BANK1: variants seen among roughly 807,000 people sequenced by gnomAD.
BANK1 encodes B cell scaffold protein with ankyrin repeats 1.
Under a neutral mutation model 94.5 loss-of-function variants are expected in BANK1, and 95 were observed. That is an observed-to-expected ratio of 1.00 (90% CI 0.85 to 1.19). The LOEUF is 1.19. Ranked by LOEUF, BANK1 falls within the 50% of genes most tolerant of loss-of-function variation. BANK1 has a pLI of 0.00. For missense variants in BANK1, 987 were observed against 932.2 expected (o/e 1.06, Z -0.77); for synonymous variants, 334 against 308.4 (o/e 1.08, Z -0.87).
rs111313971 is a variant in BANK1 at position 102,074,321 on chromosome 4, G to A, written c.*322G>A. On this transcript the variant is annotated 3_prime_UTR_variant, in exon 17 of 17. Coordinates refer to ENST00000322953, the MANE Select transcript of BANK1 (RefSeq NM_017935.5). ...AAAACAGCACAGAGAAGTTAAATGC[G>A]GTGTAGCAAAGTTATGGGGTCTGCT... 3 of 152,144 alleles carry A rather than the reference G, an allele frequency of 2.0e-5. No homozygotes were observed. Among genetic ancestry groups the A allele is most frequent in the Non-Finnish European group, 4.4e-5 (3 of 67,944 alleles). 9.4% of individuals were successfully genotyped at this position (152,144 alleles called of 1,614,324 possible). A position where few individuals can be genotyped will look rare whatever the true frequency, so the allele number is the denominator to read the frequency against.
chr4:101,997,947 G>A (rs1725935977), intron 7 of BANK1, among the ~76,000 whole-genome samples: 1 of 151,946 alleles, frequency 6.6e-6, no homozygotes, highest in Non-Finnish European at 1.5e-5. Context: ...GTTATTTCTT[G>A]TCTTCTGCTA....
chr4:101,861,905 G>T (rs951098732), intron 3 of BANK1, among the ~76,000 whole-genome samples: 1 of 150,908 alleles, frequency 6.6e-6, no homozygotes, highest in African/African-American at 2.4e-5. Context: ...TTATACATTT[G>T]GCCTCTCCAT....
At chr4:101,807,259 G>C (rs572396398) in intron 1 of BANK1, among the ~76,000 whole-genome samples, 1 of 152,190 alleles carries the variant, frequency 6.6e-6, no homozygotes, top group East Asian at 1.9e-4. Flanking sequence ...TTAAATGTCA[G>C]ATATTTTAAA....
At chr4:102,030,730 G>A (rs1370846092) in intron 10 of BANK1, among the ~76,000 whole-genome samples, 1 of 152,044 alleles carries the variant, frequency 6.6e-6, no homozygotes, top group African/African-American at 2.4e-5. Context: ...GAGAATGATG[G>A]TTTCCAGCAT....
chr4:101,821,011 T>C (rs552622050), intron 1 of BANK1, among the ~76,000 whole-genome samples: 1 of 152,284 alleles, frequency 6.6e-6, no homozygotes, highest in African/African-American at 2.4e-5. Context: ...CTTTAGGTCT[T>C]TGAGGAATTG....
At chr4:101,894,123 C>T (rs193056074) in intron 5 of BANK1, among the ~76,000 whole-genome samples, 87 of 152,140 alleles carry the variant, frequency 5.7e-4, no homozygotes, top group African/African-American at 2.0e-3. Context: ...CCACCCTACA[C>T]CTAACTCACA....
intron 1 of BANK1, among the ~76,000 whole-genome samples, chr4:101,799,241 T>C (rs1725266095): frequency 6.6e-6 from 1 of 152,228 alleles, no homozygotes; most frequent in African/African-American, 2.4e-5. Context: ...TTTCTTGTTT[T>C]TGTCAGGTTT....
intron 10 of BANK1, among the ~76,000 whole-genome samples, chr4:102,030,674 G>A (rs964938007): frequency 4.0e-5 from 6 of 148,562 alleles, no homozygotes; most frequent in African/African-American, 1.2e-4. Context: ...CCACTTATGA[G>A]TGAGAACATG....
At chr4:101,881,340 A>T (rs1728669219) in intron 5 of BANK1, among the ~76,000 whole-genome samples, 1 of 152,198 alleles carries the variant, frequency 6.6e-6, no homozygotes, top group Non-Finnish European at 1.5e-5. Flanking sequence ...GCTTAACATC[A>T]TTAATCATTA....
intron 7 of BANK1, among the ~76,000 whole-genome samples, chr4:101,918,539 A>G (rs958424940): frequency 8.5e-5 from 13 of 152,132 alleles, no homozygotes; most frequent in Middle Eastern, 3.4e-3. Context: ...TAACCAAAGA[A>G]GATTTTAAGA....
At position 101,862,578 on chromosome 4, in the gene BANK1, T is replaced by A; in HGVS notation, c.677T>A (p.Val226Glu). 5 of 1,610,998 alleles carry A rather than the reference T, an allele frequency of 3.1e-6. No individual in the cohort carries two copies. The highest frequency in any genetic ancestry group is 4.2e-6 in the Non-Finnish European group (5 of 1,178,088). Residue 226 changes from valine to glutamate, a missense_variant, in exon 4 of 17, where the codon GTA (valine) becomes GAA (glutamate). By Grantham distance (121) the Val-to-Glu change is moderately radical (BLOSUM62 -2). Transcript: ENST00000322953. Reference sequence around the variant, plus strand: ...AGAGATGAAGTAATTGGTGATACTGTAGAGGTTGAATTTACATCAAGTAAT... The same window carrying A: ...AGAGATGAAGTAATTGGTGATACTGAAGAGGTTGAATTTACATCAAGTAAT... ...ILRDEVIGDT[V>E]EVEFTSSNKR... is the part of the protein sequence containing the mutation.
chr4:101,957,042 A>G (rs550283610), intron 7 of BANK1, among the ~76,000 whole-genome samples: 32 of 152,240 alleles, frequency 2.1e-4, no homozygotes, highest in Admixed American at 1.8e-3. Flanking sequence ...TTATTTTCCT[A>G]TGATAGTATA....
chr4:101,913,995 A>G (rs891097548), intron 6 of BANK1, among the ~76,000 whole-genome samples: 6 of 152,212 alleles, frequency 3.9e-5, no homozygotes, highest in Non-Finnish European at 7.3e-5. Context: ...TAAGCGTACA[A>G]TTCAACAAAA....
rs1206377149 is a variant in BANK1 at position 101,918,111 on chromosome 4, T to C, written c.1128T>C (p.Asn376=). 9 of 1,612,070 alleles carry C rather than the reference T, an allele frequency of 5.6e-6. No homozygotes were observed. The highest frequency in any genetic ancestry group is 2.7e-5 in the African/African-American group (2 of 74,786). ...CAACCTGGGCATCTAAGATGAAAAA[T>C]ATGGAGGGTTCAGACCCCGCACATA... ...SGATWASKMK[N]MEGSDPAHIA... The change falls in exon 7 of 17, where the codon AAT becomes AAC. Residue 376 remains asparagine (N), a synonymous_variant. Coordinates refer to ENST00000322953, the MANE Select transcript of BANK1 (RefSeq NM_017935.5).
chr4:102,025,301 T>G lies in BANK1; in HGVS notation c.1386T>G (p.Asn462Lys), dbSNP rs758544798. 1.2e-6 allele frequency: 2 copies of G among 1,614,028 alleles called. No homozygotes were observed. Among genetic ancestry groups the G allele is most frequent in the Non-Finnish European group, 1.7e-6 (2 of 1,179,964 alleles). ...AAATGGAAGGGGAAGGAAAACAGAA[T>G]GGATCAGGCATGGAGACCAAACACA... ...ANEMEGEGKQ[N>K]GSGMETKHSP... Residue 462 changes from asparagine to lysine, a missense_variant, in exon 9 of 17, where the codon AAT (asparagine) becomes AAG (lysine). Physicochemically the swap from Asn to Lys is moderately conservative, Grantham distance 94 (BLOSUM62 0). Coordinates refer to ENST00000322953, the MANE Select transcript of BANK1 (RefSeq NM_017935.5).
chr4:101,805,148 A>G (rs1258281498), intron 1 of BANK1, among the ~76,000 whole-genome samples: 1 of 152,124 alleles, frequency 6.6e-6, no homozygotes, highest in Admixed American at 6.6e-5. Flanking sequence ...CTATAAACAG[A>G]TTTTTTTCAT....
intron 2 of BANK1, among the ~76,000 whole-genome samples, chr4:101,849,791 G>A (rs11097757): frequency 0.54 from 82,223 of 151,916 alleles, 23,395 homozygotes; most frequent in African/African-American, 0.72. Flanking sequence ...CCCAAGGGCC[G>A]GAAAAACTTC....
rs144629693 is a variant in BANK1 at position 102,057,265 on chromosome 4, T to G, written c.1970-2946T>G. ...TGCTCTCTCTCTCTTTCTCTTTCTC[T>G]CTCTCTCTCCTGCTCTCTCTCTCTT... On this transcript the variant is annotated intron_variant, in intron 11 of 16. Coordinates refer to ENST00000322953, the MANE Select transcript of BANK1 (RefSeq NM_017935.5). Among the ~76,000 whole-genome samples the G allele has an allele frequency of 1.8e-4, 27 of 151,894 alleles. No individual in the cohort carries two copies. In the East Asian group the frequency reaches 5.1e-3, roughly 28 times the overall value.
intron 1 of BANK1, among the ~76,000 whole-genome samples, chr4:101,800,509 C>G (rs1295960644): frequency 6.6e-6 from 1 of 152,024 alleles, no homozygotes; most frequent in African/African-American, 2.4e-5. Flanking sequence ...TATATATCAT[C>G]CCTTCCTTTT....
Sources: gnomAD v4.1 joint callset for allele counts (sites outside exome capture counted in the v4.1 genomes callset) on GRCh38, gnomAD v4.1.1 for gene constraint, MANE v1.5 for transcripts, NCBI Gene and HGNC (gene_info 2026-07-23, HGNC 2026-07-21) for gene names.